Variants in SHISA9 observed in about 807,000 individuals in gnomAD.
The protein encoded by SHISA9 is shisa family member 9, also known as protein shisa-9.
Under a neutral mutation model 38.0 loss-of-function variants are expected in SHISA9, and 13 were observed. The ratio of observed to expected loss-of-function variants is 0.34; its 90% CI spans 0.22 to 0.54. The LOEUF (loss-of-function observed/expected upper bound fraction) is 0.54, where lower values mean the gene tolerates loss of function less well. Ranked by LOEUF, SHISA9 falls within the 20% of genes least tolerant of loss-of-function variation. The pLI is 0.91. For synonymous variants in SHISA9, 275 were observed against 242.0 expected, an observed-to-expected ratio of 1.14 and a Z score of -1.27; for missense variants, 538 against 575.8, an observed-to-expected ratio of 0.93 and a Z score of 0.67.
chr16:13,357,897 C>G, the SHISA9 span, among the ~76,000 whole-genome samples: 3 of 152,066 alleles, frequency 2.0e-5, no homozygotes, highest in African/African-American at 4.8e-5. Flanking sequence ...AAGGCAATGA[C>G]CGGCCATTTA....
chr16:13,516,051 A>T, the SHISA9 span, among the ~76,000 whole-genome samples: 2 of 152,170 alleles, frequency 1.3e-5, no homozygotes, highest in African/African-American at 4.8e-5. Context: ...TTACCTTCCA[A>T]TTGCATGGTA....
intron 2 of SHISA9, among the ~76,000 whole-genome samples, chr16:13,108,464 C>G (rs1173174906): frequency 6.6e-6 from 1 of 152,030 alleles, no homozygotes; most frequent in African/African-American, 2.4e-5. Flanking sequence ...TGGGGTCTTG[C>G]TAAGTTTCTC....
At chr16:13,431,082 A>G in the SHISA9 span, among the ~76,000 whole-genome samples, 1 of 152,272 alleles carries the variant, frequency 6.6e-6, no homozygotes, top group Non-Finnish European at 1.5e-5. Flanking sequence ...TCTCCTACAC[A>G]TCCTCCAAGA....
chr16:13,098,105 A>G (rs1444455116), intron 2 of SHISA9, among the ~76,000 whole-genome samples: 1 of 152,148 alleles, frequency 6.6e-6, no homozygotes, highest in Non-Finnish European at 1.5e-5. Flanking sequence ...AGATGAAGTC[A>G]CCTGTCCCAG....
chr16:13,371,632 G>A, the SHISA9 span, among the ~76,000 whole-genome samples: 2 of 152,356 alleles, frequency 1.3e-5, no homozygotes, highest in Admixed American at 6.5e-5. Context: ...AGAAAAAAGA[G>A]TAAGATTAGC....
At chr16:13,289,378 G>A in the SHISA9 span, among the ~76,000 whole-genome samples, 4 of 88,738 alleles carry the variant, frequency 4.5e-5, no homozygotes, top group Admixed American at 1.3e-4. Context: ...GGGCGGGAGG[G>A]TTGTGGCAGG....
chr16:13,052,269 A>G (rs1347141565), intron 2 of SHISA9, among the ~76,000 whole-genome samples: 1 of 152,148 alleles, frequency 6.6e-6, no homozygotes, highest in East Asian at 1.9e-4. Flanking sequence ...TGATTTAGAG[A>G]CATTTTCCCC....
chr16:12,928,314 T>TTTTGTG (rs1555501020), intron 2 of SHISA9, among the ~76,000 whole-genome samples: 1 of 150,934 alleles, frequency 6.6e-6, no homozygotes, highest in Non-Finnish European at 1.5e-5. Flanking sequence ...CAGAGGTTGG[T>TTTTGTG]TGTGTGTGTG....
intron 2 of SHISA9, among the ~76,000 whole-genome samples, chr16:13,144,287 G>A (rs556863972): frequency 1.3e-5 from 2 of 152,084 alleles, no homozygotes; most frequent in South Asian, 2.1e-4. Context: ...CAAGTAGCTG[G>A]AACTACAGGA....
chr16:13,500,576 G>A, the SHISA9 span, among the ~76,000 whole-genome samples: 36 of 150,182 alleles, frequency 2.4e-4, 1 homozygote, highest in Middle Eastern at 6.8e-3. Context: ...AAGAGAAATA[G>A]AGAGAGAAGG....
At chr16:13,498,896 A>G in the SHISA9 span, among the ~76,000 whole-genome samples, 8 of 152,194 alleles carry the variant, frequency 5.3e-5, no homozygotes, top group Non-Finnish European at 1.2e-4. Context: ...TGGTTTGTGA[A>G]TTTAGCAGAC....
the SHISA9 span, among the ~76,000 whole-genome samples, chr16:13,284,833 A>G: frequency 6.6e-6 from 1 of 152,178 alleles, no homozygotes; most frequent in Non-Finnish European, 1.5e-5. Context: ...TCATGGGCTC[A>G]AGTGATCTGC....
At chr16:13,028,146 G>C (rs907951291) in intron 2 of SHISA9, among the ~76,000 whole-genome samples, 1 of 151,990 alleles carries the variant, frequency 6.6e-6, no homozygotes, top group African/African-American at 2.4e-5. Flanking sequence ...GGTCTTGACT[G>C]TATGTATGTG....
intron 2 of SHISA9, among the ~76,000 whole-genome samples, chr16:13,039,135 C>T (rs1367839956): frequency 1.3e-5 from 2 of 152,186 alleles, no homozygotes; most frequent in Non-Finnish European, 2.9e-5. Context: ...TCTCGAACTC[C>T]TGACCTCAGG....
chr16:13,437,353 A>C, the SHISA9 span, among the ~76,000 whole-genome samples: 1 of 152,174 alleles, frequency 6.6e-6, no homozygotes, highest in Admixed American at 6.5e-5. Context: ...GATGGTTACT[A>C]ATTACTCAGC....
chr16:12,963,856 C>T (rs1021932934), intron 2 of SHISA9, among the ~76,000 whole-genome samples: 1 of 152,304 alleles, frequency 6.6e-6, no homozygotes, highest in South Asian at 2.1e-4. Flanking sequence ...AGGCAGAAGG[C>T]ATTAAAGCAA....
At chr16:13,051,090 G>A (rs746957460) in intron 2 of SHISA9, among the ~76,000 whole-genome samples, 6 of 152,156 alleles carry the variant, frequency 3.9e-5, no homozygotes, top group Non-Finnish European at 7.3e-5. Flanking sequence ...ATCCTACTGA[G>A]TACGTACTTG....
intron 2 of SHISA9, among the ~76,000 whole-genome samples, chr16:12,969,653 G>A (rs1385768713): frequency 2.6e-5 from 4 of 152,004 alleles, no homozygotes; most frequent in Admixed American, 2.0e-4. Context: ...AGGCTGAGGC[G>A]GGAGAATTGC....
intron 2 of SHISA9, among the ~76,000 whole-genome samples, chr16:13,027,543 T>C (rs187577073): frequency 5.3e-5 from 8 of 152,244 alleles, no homozygotes; most frequent in Admixed American, 5.2e-4. Context: ...AACAACCCAA[T>C]GTCTATCAAT....
Sources: allele counts gnomAD v4.1 joint callset (sites outside exome capture counted in the v4.1 genomes callset), GRCh38; gene constraint gnomAD v4.1.1; transcripts MANE v1.5; gene names NCBI Gene and HGNC (gene_info 2026-07-23, HGNC 2026-07-21).